DLGAP2: variants seen among roughly 807,000 people sequenced by gnomAD.
DLGAP2 encodes the protein DLG associated protein 2, also known as disks large-associated protein 2.
Under a neutral mutation model 100.3 loss-of-function variants are expected in DLGAP2, and 26 were observed. The ratio of observed to expected loss-of-function variants is 0.26; its 90% CI spans 0.19 to 0.36. DLGAP2 has a LOEUF of 0.36. Among genes scored for constraint, DLGAP2 ranks in the 10% least tolerant of loss-of-function variants. DLGAP2 has a pLI of 1.00. For missense variants in DLGAP2, 1,858 were observed against 1,453.2 expected (o/e 1.28, Z -4.53); for synonymous variants, 886 against 630.1 (o/e 1.41, Z -6.08).
At chr8:1,247,191 G>GCCAGGAACAC in intron 2 of DLGAP2, 1 of 89,398 alleles carries the variant, frequency 1.1e-5, no homozygotes, top group African/African-American at 4.1e-5. Context: ...CACGTCGGTG[G>GCCAGGAACAC]CTGGGAAGAC....
rs969060225 is a variant in DLGAP2 at position 802,331 on chromosome 8, G to A, written c.18+64506G>A. Among the ~76,000 whole-genome samples, 284 of 149,268 alleles carry A rather than the reference G, an allele frequency of 1.9e-3. 2 individuals are homozygous for A. The highest frequency in any genetic ancestry group is 6.3e-3 in the African/African-American group (258 of 40,860). On this transcript the variant is annotated intron_variant, in intron 1 of 14. Transcript: ENST00000637795. ...GTCATCACGGCCTGGGGAATAGTCC[G>A]CGCTCCTCCTGGGTCCCCCCACCTC...
intron 5 of DLGAP2, among the ~76,000 whole-genome samples, chr8:1,554,092 A>T (rs989852730): frequency 1.3e-5 from 2 of 152,164 alleles, no homozygotes; most frequent in Non-Finnish European, 2.9e-5. Flanking sequence ...GTTCAAGACC[A>T]ACCTGGCCAA....
chr8:1,482,815 C>G (rs967909587), intron 3 of DLGAP2, among the ~76,000 whole-genome samples: 3 of 152,252 alleles, frequency 2.0e-5, no homozygotes, highest in Admixed American at 6.5e-5. Flanking sequence ...GCGTGGGACC[C>G]TCGTTCGGGG....
At chr8:837,662 GTA>G (rs990316330) in intron 1 of DLGAP2, among the ~76,000 whole-genome samples, 14 of 125,260 alleles carry the variant, frequency 1.1e-4, no homozygotes, top group African/African-American at 3.7e-4. Flanking sequence ...TTGTTTGTGT[GTA>G]TGTGTGTGTG....
At chr8:882,411 T>C (rs56009703) in intron 1 of DLGAP2, among the ~76,000 whole-genome samples, 1,000 of 77,610 alleles carry the variant, frequency 0.013, no homozygotes, top group Middle Eastern at 0.032. Flanking sequence ...CGGAGGCCTC[T>C]CCTGCGCGCA....
chr8:1,150,805 A>G (rs1796684848), intron 2 of DLGAP2, among the ~76,000 whole-genome samples: 1 of 152,232 alleles, frequency 6.6e-6, no homozygotes, highest in East Asian at 1.9e-4. Flanking sequence ...AAAAAGTGTT[A>G]TGTGAGAATC....
At chr8:1,219,672 A>T (rs61362293) in intron 2 of DLGAP2, among the ~76,000 whole-genome samples, 1 of 151,932 alleles carries the variant, frequency 6.6e-6, no homozygotes, top group Non-Finnish European at 1.5e-5. Context: ...ATTTTTTGGA[A>T]TAGTTTTGTT....
intron 2 of DLGAP2, among the ~76,000 whole-genome samples, chr8:1,051,039 G>T (rs550198451): frequency 6.7e-6 from 1 of 148,684 alleles, no homozygotes; most frequent in South Asian, 2.2e-4. Flanking sequence ...GGGTCATTTT[G>T]TGGTGGGTCA....
intron 3 of DLGAP2, among the ~76,000 whole-genome samples, chr8:1,325,736 A>G (rs1355630602): frequency 1.3e-5 from 2 of 152,226 alleles, no homozygotes; most frequent in African/African-American, 2.4e-5. Flanking sequence ...CGCTTGCCAA[A>G]GAAAAATGAC....
chr8:849,177 C>T (rs979640073), intron 1 of DLGAP2, among the ~76,000 whole-genome samples: 1 of 151,814 alleles, frequency 6.6e-6, no homozygotes, highest in Non-Finnish European at 1.5e-5. Context: ...AGGGTTTGTT[C>T]CAGTCTAGGA....
At chr8:960,467 A>G (rs1273911162) in intron 2 of DLGAP2, among the ~76,000 whole-genome samples, 5 of 151,792 alleles carry the variant, frequency 3.3e-5, no homozygotes, top group Admixed American at 3.3e-4. Flanking sequence ...CCTCCTGACC[A>G]CAGGCAATCC....
chr8:1,427,714 TC>T (rs1797276206), intron 3 of DLGAP2, among the ~76,000 whole-genome samples: 1 of 152,182 alleles, frequency 6.6e-6, no homozygotes. Context: ...CAAGCTCTCT[TC>T]TCTTGTCTGC....
intron 2 of DLGAP2, among the ~76,000 whole-genome samples, chr8:1,193,778 G>A (rs1434154270): frequency 1.3e-5 from 2 of 151,926 alleles, no homozygotes; most frequent in African/African-American, 2.4e-5. Flanking sequence ...TCGGCCTCTA[G>A]AGCCTCCGCA....
Position 1,282,491 on chromosome 8 carries a change from G to A in DLGAP2, c.106+23608G>A, listed in dbSNP as rs1237912173. 5.9e-3 allele frequency among the ~76,000 whole-genome samples: 719 copies of A among 122,250 alleles called. 19 individuals are homozygous for A. The highest frequency in any genetic ancestry group is 0.021 in the African/African-American group (678 of 32,738). 80.2% of individuals were successfully genotyped at this position (122,250 alleles called of 152,430 possible). Reference sequence around the variant, plus strand: ...CTGGACATGGTGTGACCTGAACCCAGCACGTGAACCATCCAGACGTGGTGT... The same window carrying A: ...CTGGACATGGTGTGACCTGAACCCAACACGTGAACCATCCAGACGTGGTGT... On this transcript the variant is annotated intron_variant, in intron 3 of 14. Coordinates refer to ENST00000637795, the MANE Select transcript of DLGAP2 (RefSeq NM_001346810.2).
chr8:1,267,637 G>GAAATAAAATCAAATCAAATCAAA (rs1382093781), intron 3 of DLGAP2, among the ~76,000 whole-genome samples: 5 of 91,980 alleles, frequency 5.4e-5, no homozygotes, highest in Non-Finnish European at 9.0e-5. Context: ...TATTAAATAG[G>GAAATAAAATCAAATCAAATCAAA]TCTACAAAAA....
chr8:1,116,076 A>T (rs1009512678), intron 2 of DLGAP2, among the ~76,000 whole-genome samples: 18 of 152,194 alleles, frequency 1.2e-4, no homozygotes, highest in African/African-American at 4.3e-4. Context: ...GGGTTCTTGG[A>T]AAGCTGGGGG....
At chr8:1,676,706 C>CTCAA in intron 11 of DLGAP2, 88 bp downstream of exon 11, 1 of 1,292,276 alleles carries the variant, frequency 7.7e-7, no homozygotes, top group Non-Finnish European at 1.1e-6. Context: ...CCTGCCGGCC[C>CTCAA]TCAATCATGC....
Position 937,374 on chromosome 8 carries a change from T to C in DLGAP2, c.73+29408T>C, listed in dbSNP as rs982825403. On this transcript the variant is annotated intron_variant, in intron 2 of 14. Coordinates refer to ENST00000637795, the MANE Select transcript of DLGAP2 (RefSeq NM_001346810.2). ...TCTATTGTTTTAAAATCGGATCTAA[T>C]TGTCACTGGCTTTCTCCAAAAAAAT... Among the ~76,000 whole-genome samples the C allele has an allele frequency of 7.2e-5, 11 of 152,332 alleles. No homozygotes were observed. In the East Asian group the frequency reaches 9.6e-4, roughly 13 times the overall value.
chr8:936,050 G>C (rs1356572492), intron 2 of DLGAP2, among the ~76,000 whole-genome samples: 1 of 152,206 alleles, frequency 6.6e-6, no homozygotes, highest in Admixed American at 6.5e-5. Context: ...TCTCCAACCT[G>C]CTGGAAATTA....
Sources: allele counts gnomAD v4.1 joint callset (sites outside exome capture counted in the v4.1 genomes callset), GRCh38; gene constraint gnomAD v4.1.1; transcripts MANE v1.5; gene names NCBI Gene and HGNC (gene_info 2026-07-23, HGNC 2026-07-21).